The following ARL15 variants were observed in gnomAD, a reference collection of about 807,000 sequenced individuals.
ARL15 encodes ADP-ribosylation factor-like protein 15.
A neutral mutation model predicts 25.2 loss-of-function variants in ARL15; 19 were observed. That is an observed-to-expected ratio of 0.75 (90% CI 0.53 to 1.10). The LOEUF (loss-of-function observed/expected upper bound fraction) is 1.10, where lower values mean the gene tolerates loss of function less well. ARL15 is among the 50% of genes least tolerant of loss of function. ARL15 has a pLI of 0.00. For synonymous variants in ARL15, 94 were observed against 86.8 expected, an observed-to-expected ratio of 1.08 and a Z score of -0.46; for missense variants, 220 against 246.0, an observed-to-expected ratio of 0.89 and a Z score of 0.71.
chr5:54,237,404 C>T (rs1756838791), intron 1 of ARL15, among the ~76,000 whole-genome samples: 1 of 152,108 alleles, frequency 6.6e-6, no homozygotes, highest in Non-Finnish European at 1.5e-5. Context: ...AATACAACTT[C>T]CCTATTGGTA....
At chr5:54,180,509 C>G (rs1579880623) in intron 1 of ARL15, among the ~76,000 whole-genome samples, 1 of 152,208 alleles carries the variant, frequency 6.6e-6, no homozygotes, top group Non-Finnish European at 1.5e-5. Context: ...GTTCCAAGAG[C>G]AACCTATGTT....
intron 4 of ARL15, among the ~76,000 whole-genome samples, chr5:53,955,349 T>C (rs1456505979): frequency 6.6e-6 from 1 of 152,198 alleles, no homozygotes; most frequent in Non-Finnish European, 1.5e-5. Context: ...ATAAATATTT[T>C]GCAAAGCATA....
At chr5:54,197,406 A>C (rs759971165) in intron 1 of ARL15, among the ~76,000 whole-genome samples, 72 of 152,174 alleles carry the variant, frequency 4.7e-4, no homozygotes, top group Admixed American at 3.0e-3. Context: ...CCCCTACTTC[A>C]TGATCACACT....
intron 4 of ARL15, among the ~76,000 whole-genome samples, chr5:53,944,009 T>C (rs1746633046): frequency 6.6e-6 from 1 of 152,146 alleles, no homozygotes; most frequent in Non-Finnish European, 1.5e-5. Context: ...ATCTCAACTC[T>C]GGACCCCATG....
At chr5:53,984,732 T>A (rs1748232444) in intron 4 of ARL15, among the ~76,000 whole-genome samples, 2 of 152,212 alleles carry the variant, frequency 1.3e-5, no homozygotes, top group Admixed American at 1.3e-4. Flanking sequence ...TAATTTATAT[T>A]TTTTTCTTTG....
chr5:54,214,338 C>T (rs1211020104), intron 1 of ARL15, among the ~76,000 whole-genome samples: 1 of 152,178 alleles, frequency 6.6e-6, no homozygotes, highest in African/African-American at 2.4e-5. Flanking sequence ...GTTCTCAATC[C>T]TGACATACCA....
chr5:54,151,213 C>T (rs1754060186), intron 3 of ARL15, among the ~76,000 whole-genome samples: 1 of 152,138 alleles, frequency 6.6e-6, no homozygotes, highest in Non-Finnish European at 1.5e-5. Context: ...TAGGCATAAT[C>T]ACTGCAGCCT....
At chr5:54,138,041 T>A (rs1298997575) in intron 3 of ARL15, among the ~76,000 whole-genome samples, 1 of 152,356 alleles carries the variant, frequency 6.6e-6, no homozygotes, top group East Asian at 1.9e-4. Context: ...GAGACTTCAA[T>A]GTTTACAGAA....
intron 4 of ARL15, among the ~76,000 whole-genome samples, chr5:54,033,102 T>G (rs899531335): frequency 8.2e-5 from 12 of 146,890 alleles, no homozygotes; most frequent in Non-Finnish European, 1.5e-4. Context: ...CTGAGGCGGG[T>G]GGATCACCTG....
intron 4 of ARL15, among the ~76,000 whole-genome samples, chr5:54,000,245 C>T (rs771067766): frequency 5.3e-5 from 8 of 152,054 alleles, no homozygotes; most frequent in Non-Finnish European, 1.0e-4. Context: ...TGACTATTGT[C>T]CAACAAAAAA....
chr5:54,033,980 A>T (rs1750088454), intron 4 of ARL15, among the ~76,000 whole-genome samples: 1 of 151,924 alleles, frequency 6.6e-6, no homozygotes, highest in Non-Finnish European at 1.5e-5. Context: ...TGCCCGGCTA[A>T]TTTTTTATAT....
chr5:54,189,916 T>A (rs997039918), intron 1 of ARL15, among the ~76,000 whole-genome samples: 1 of 152,140 alleles, frequency 6.6e-6, no homozygotes, highest in African/African-American at 2.4e-5. Flanking sequence ...TTAAATCATA[T>A]CTCTAATAAG....
intron 4 of ARL15, among the ~76,000 whole-genome samples, chr5:53,953,066 A>T (rs1203745144): frequency 1.3e-5 from 2 of 152,206 alleles, no homozygotes; most frequent in Non-Finnish European, 2.9e-5. Flanking sequence ...AAATAGTAAG[A>T]TATACTCATT....
intron 4 of ARL15, among the ~76,000 whole-genome samples, chr5:53,931,016 A>G (rs773873937): frequency 2.0e-5 from 3 of 152,208 alleles, no homozygotes; most frequent in Non-Finnish European, 4.4e-5. Flanking sequence ...GGTCAAATTA[A>G]TGCCTTCATC....
At chr5:54,071,699 C>T (rs1267913894) in intron 4 of ARL15, among the ~76,000 whole-genome samples, 6 of 151,972 alleles carry the variant, frequency 3.9e-5, no homozygotes, top group Non-Finnish European at 8.8e-5. Flanking sequence ...CGGCCAGGCG[C>T]GGTGGCTCAC....
At position 54,267,041 on chromosome 5, in the gene ARL15, A is replaced by C. The variant is rs565629212; in HGVS notation, c.48+43391T>G. The stretch of plus-strand genomic sequence containing the variant: ...ATTAAATGGTGGATTCCTGGGTCTC[A>C]ACACAGAGCTACAGAATCACTCCCT... On this transcript the variant is annotated intron_variant, in intron 1 of 4. Coordinates refer to ENST00000504924, the MANE Select transcript of ARL15 (RefSeq NM_019087.3). 1.1e-4 allele frequency among the ~76,000 whole-genome samples: 17 copies of C among 152,340 alleles called. No homozygotes were observed. The East Asian group carries it at 3.1e-3, about 28-fold the overall frequency.
chr5:54,118,598 T>C (rs1752979422), intron 3 of ARL15, among the ~76,000 whole-genome samples: 1 of 152,204 alleles, frequency 6.6e-6, no homozygotes. Context: ...AGCTAGTTTC[T>C]AGCGGGAATA....
intron 4 of ARL15, among the ~76,000 whole-genome samples, chr5:53,989,481 G>A (rs1748410521): frequency 6.6e-6 from 1 of 152,266 alleles, no homozygotes; most frequent in African/African-American, 2.4e-5. Context: ...ATCACCCTGA[G>A]CATGAGATAG....
intron 1 of ARL15, among the ~76,000 whole-genome samples, chr5:54,193,827 C>T (rs1024632893): frequency 6.6e-6 from 1 of 151,428 alleles, no homozygotes; most frequent in African/African-American, 2.4e-5. Flanking sequence ...TGAAATAGCT[C>T]ACATGGCTCT....
Sources: gnomAD v4.1 joint callset for allele counts (sites outside exome capture counted in the v4.1 genomes callset) on GRCh38, gnomAD v4.1.1 for gene constraint, MANE v1.5 for transcripts, NCBI Gene and HGNC (gene_info 2026-07-23, HGNC 2026-07-21) for gene names.